ATG7: variants seen among roughly 807,000 people sequenced by gnomAD.
ATG7 encodes autophagy related 7, also known as ubiquitin-like modifier-activating enzyme ATG7.
In ATG7, 70 loss-of-function variants were observed where a neutral mutation model predicts 82.4. That is an observed-to-expected ratio of 0.85 (90% CI 0.70 to 1.04). The LOEUF (loss-of-function observed/expected upper bound fraction) is 1.04. Ranked by LOEUF, ATG7 falls within the 50% of genes least tolerant of loss-of-function variation. The pLI is 0.00. For missense variants in ATG7, 792 were observed against 864.3 expected (o/e 0.92, Z 1.05); for synonymous variants, 287 against 313.0 (o/e 0.92, Z 0.88).
intron 11 of ATG7, among the ~76,000 whole-genome samples, chr3:11,336,974 A>G (rs770029778): frequency 6.6e-6 from 1 of 152,168 alleles, no homozygotes; most frequent in Non-Finnish European, 1.5e-5. Flanking sequence ...TGCGCAGTCG[A>G]GGAGTATTAT....
At chr3:11,373,304 TGTG>T (rs1169842135) in intron 18 of ATG7, among the ~76,000 whole-genome samples, 3 of 152,236 alleles carry the variant, frequency 2.0e-5, no homozygotes, top group South Asian at 4.1e-4. Flanking sequence ...AATTAGGTGG[TGTG>T]GTGGTACTAT....
At chr3:11,304,959 A>G (rs896527905) in intron 5 of ATG7, among the ~76,000 whole-genome samples, 3 of 152,108 alleles carry the variant, frequency 2.0e-5, no homozygotes, top group African/African-American at 7.2e-5. Context: ...ATTCCAGAAC[A>G]TTTCCATCTC....
chr3:11,419,636 CT>C (rs2081749947), intron 19 of ATG7, among the ~76,000 whole-genome samples: 1 of 152,114 alleles, frequency 6.6e-6, no homozygotes, highest in Non-Finnish European at 1.5e-5. Context: ...GTCAGGAGAT[CT>C]TAGACTCTGT....
intron 20 of ATG7, among the ~76,000 whole-genome samples, chr3:11,489,315 T>C (rs1440313311): frequency 6.6e-6 from 1 of 152,196 alleles, no homozygotes; most frequent in Non-Finnish European, 1.5e-5. Context: ...TCTGTGGGAT[T>C]GGTGGTGATA....
intron 20 of ATG7, among the ~76,000 whole-genome samples, chr3:11,538,712 C>CAAAAAA (rs34720305): frequency 1.2e-5 from 1 of 83,986 alleles, no homozygotes; most frequent in African/African-American, 4.8e-5. Flanking sequence ...AAAAATTAGC[C>CAAAAAA]AAAAAAAAAA....
chr3:11,417,805 A>ATTTTTTTTTTTTTTTTTTTTTTTTTTTT (rs200364263), intron 19 of ATG7, among the ~76,000 whole-genome samples: 1 of 52,740 alleles, frequency 1.9e-5, no homozygotes, highest in African/African-American at 6.5e-5. Context: ...TTATTATTTT[A>ATTTTTTTTTTTTTTTTTTTTTTTTTTTT]TTTTATTTTA....
chr3:11,350,222 A>G (rs573308542), intron 14 of ATG7, among the ~76,000 whole-genome samples: 2 of 152,366 alleles, frequency 1.3e-5, no homozygotes, highest in South Asian at 4.1e-4. Context: ...TGGGTTTAAC[A>G]GTATTAATTG....
intron 18 of ATG7, among the ~76,000 whole-genome samples, chr3:11,372,807 TGTGTGTGTGCGCGCGTGTGC>T (rs1199588365): frequency 1.4e-5 from 2 of 140,386 alleles, no homozygotes; most frequent in African/African-American, 2.7e-5. Flanking sequence ...GCTGGGTGTG[TGTGTGTGTGCGCGCGTGTGC>T]GTGTGTGTGC....
At chr3:11,484,955 T>C (rs543537606) in intron 20 of ATG7, among the ~76,000 whole-genome samples, 1 of 152,336 alleles carries the variant, frequency 6.6e-6, no homozygotes, top group South Asian at 2.1e-4. Context: ...GTTGGACAGT[T>C]GGGTTGGTTC....
At chr3:11,321,257 G>A (rs1950180430) in intron 9 of ATG7, among the ~76,000 whole-genome samples, 1 of 152,172 alleles carries the variant, frequency 6.6e-6, no homozygotes, top group African/African-American at 2.4e-5. Context: ...GTCAGGAGGT[G>A]AATGAGTCCT....
intron 4 of ATG7, 83 bp from the exon 5 acceptor site, chr3:11,299,279 A>G: frequency 7.2e-7 from 1 of 1,393,038 alleles, no homozygotes; most frequent in Non-Finnish European, 1.0e-6. Flanking sequence ...CAACAAAGAG[A>G]AGAAAACTAT....
At chr3:11,414,409 G>A (rs1012924180) in intron 19 of ATG7, among the ~76,000 whole-genome samples, 2 of 152,160 alleles carry the variant, frequency 1.3e-5, no homozygotes, top group Non-Finnish European at 2.9e-5. Context: ...TATGTATCCT[G>A]CAGTGTTGCT....
intron 20 of ATG7, among the ~76,000 whole-genome samples, chr3:11,526,516 C>T (rs866170375): frequency 1.3e-5 from 2 of 152,184 alleles, no homozygotes; most frequent in South Asian, 2.1e-4. Flanking sequence ...TTAGCAATGT[C>T]CCTGATTCTA....
chr3:11,439,171 C>T (rs765298442), intron 20 of ATG7, among the ~76,000 whole-genome samples: 4 of 148,806 alleles, frequency 2.7e-5, no homozygotes, highest in South Asian at 4.2e-4. Flanking sequence ...CAGGTTCAAG[C>T]GATTCTCCTG....
chr3:11,340,570 T>C, intron 11 of ATG7, 75 bp from the exon 12 acceptor site: 1 of 1,322,304 alleles, frequency 7.6e-7, no homozygotes. Flanking sequence ...ATCTTTTTTA[T>C]GTAAGGTCGT....
intron 20 of ATG7, among the ~76,000 whole-genome samples, chr3:11,454,188 G>A (rs542411828): frequency 1.1e-4 from 16 of 152,164 alleles, no homozygotes; most frequent in African/African-American, 3.6e-4. Context: ...TACTCTAATG[G>A]GTACCTTGAT....
rs76677375 is a variant in ATG7, at chr3:11,459,996, A to G, written c.2079+33070A>G. ...ACCATACTGCCTCTTACATGTCTCA[A>G]ATCGTACAGAGATTTATCTTACTGC... On this transcript the variant is annotated intron_variant, in intron 20 of 20. Coordinates refer to ENST00000693202, the MANE Select transcript of ATG7 (RefSeq NM_001349232.2). 1.1e-3 allele frequency among the ~76,000 whole-genome samples: 169 copies of G among 152,304 alleles called. 2 individuals carry two copies. Among genetic ancestry groups the G allele is most frequent in the African/African-American group, 3.8e-3 (160 of 41,574 alleles).
intron 18 of ATG7, among the ~76,000 whole-genome samples, chr3:11,378,685 C>CAAAAAAAAAAAAAA (rs368506515): frequency 3.8e-5 from 3 of 78,968 alleles, no homozygotes; most frequent in African/African-American, 2.1e-4. Flanking sequence ...ACTCCATCTC[C>CAAAAAAAAAAAAAA]AAAAAAAAAA....
intron 20 of ATG7, 49 bp downstream of exon 20, chr3:11,426,975 T>A: frequency 6.6e-7 from 1 of 1,503,880 alleles, no homozygotes; most frequent in Non-Finnish European, 8.9e-7. Context: ...TGCTTAAAAC[T>A]ATTTGATATT....
Sources: allele counts gnomAD v4.1 joint callset (sites outside exome capture counted in the v4.1 genomes callset), GRCh38; gene constraint gnomAD v4.1.1; transcripts MANE v1.5; gene names NCBI Gene and HGNC (gene_info 2026-07-23, HGNC 2026-07-21).